Variants in ST6GALNAC3 observed in about 807,000 individuals in gnomAD.
ST6GALNAC3 encodes the protein alpha-N-acetylgalactosaminide alpha-2,6-sialyltransferase 3.
Under a neutral mutation model 32.7 loss-of-function variants are expected in ST6GALNAC3, and 25 were observed. That is an observed-to-expected ratio of 0.76 (90% CI 0.56 to 1.07). The LOEUF is 1.07. Ranked by LOEUF, ST6GALNAC3 falls within the 50% of genes least tolerant of loss-of-function variation. The pLI, the probability that ST6GALNAC3 is intolerant of heterozygous loss-of-function variation, is 0.00. For missense variants in ST6GALNAC3, 355 were observed against 382.4 expected, an observed-to-expected ratio of 0.93 and a Z score of 0.60; for synonymous variants, 129 against 133.1, an observed-to-expected ratio of 0.97 and a Z score of 0.21.
chr1:76,122,102 T>C (rs1360037540), intron 1 of ST6GALNAC3, among the ~76,000 whole-genome samples: 1 of 152,168 alleles, frequency 6.6e-6, no homozygotes, highest in Non-Finnish European at 1.5e-5. Flanking sequence ...CCATGTATTG[T>C]GTATATAGTG....
At chr1:76,524,429 A>G (rs574990956) in intron 3 of ST6GALNAC3, among the ~76,000 whole-genome samples, 2 of 152,266 alleles carry the variant, frequency 1.3e-5, no homozygotes, top group South Asian at 4.1e-4. Context: ...GGTAAAGACT[A>G]TATATGTTAT....
intron 1 of ST6GALNAC3, among the ~76,000 whole-genome samples, chr1:76,277,997 C>T (rs1659267310): frequency 6.6e-6 from 1 of 152,012 alleles, no homozygotes; most frequent in Middle Eastern, 3.2e-3. Context: ...TGGCCTTTTG[C>T]ATTTCTACAG....
At chr1:76,623,276 CTT>C (rs1257880383) in intron 3 of ST6GALNAC3, among the ~76,000 whole-genome samples, 1 of 151,918 alleles carries the variant, frequency 6.6e-6, no homozygotes, top group Non-Finnish European at 1.5e-5. Context: ...TTGTAAGTAT[CTT>C]GATTACCAAG....
intron 2 of ST6GALNAC3, among the ~76,000 whole-genome samples, chr1:76,382,233 C>A (rs1425147002): frequency 1.3e-5 from 2 of 152,028 alleles, no homozygotes; most frequent in Non-Finnish European, 2.9e-5. Flanking sequence ...TAGAACATTA[C>A]CAGGCATGTC....
chr1:76,210,156 T>C (rs941362502), intron 1 of ST6GALNAC3, among the ~76,000 whole-genome samples: 30 of 152,344 alleles, frequency 2.0e-4, no homozygotes, highest in African/African-American at 6.0e-4. Context: ...TATGATTTGC[T>C]GCACCTATCA....
At chr1:76,564,894 C>G (rs542104189) in intron 3 of ST6GALNAC3, among the ~76,000 whole-genome samples, 1 of 152,190 alleles carries the variant, frequency 6.6e-6, no homozygotes, top group African/African-American at 2.4e-5. Flanking sequence ...TGAAACTGAT[C>G]TAATTTTGAT....
chr1:76,599,717 CGTGTGT>C (rs5775354), intron 3 of ST6GALNAC3, among the ~76,000 whole-genome samples: 65,670 of 141,438 alleles, frequency 0.46, 15,613 homozygotes, highest in Non-Finnish European at 0.54. Flanking sequence ...ACTACCGTAT[CGTGTGT>C]GTGTGTGTGT....
chr1:76,506,882 A>G (rs1360381557), intron 3 of ST6GALNAC3, among the ~76,000 whole-genome samples: 1 of 152,242 alleles, frequency 6.6e-6, no homozygotes, highest in Non-Finnish European at 1.5e-5. Context: ...GAATGTTGAC[A>G]TAGTGGAGTG....
intron 2 of ST6GALNAC3, among the ~76,000 whole-genome samples, chr1:76,385,463 G>T (rs561051934): frequency 2.6e-5 from 4 of 152,096 alleles, no homozygotes; most frequent in Non-Finnish European, 2.9e-5. Context: ...ATTTGGGCAA[G>T]TCACTTAAAC....
At chr1:76,407,704 G>C (rs1653932597) in intron 2 of ST6GALNAC3, among the ~76,000 whole-genome samples, 1 of 151,010 alleles carries the variant, frequency 6.6e-6, no homozygotes, top group African/African-American at 2.4e-5. Flanking sequence ...GCAAAAAATA[G>C]AGACAATTCA....
At chr1:76,120,212 G>C (rs1329417885) in intron 1 of ST6GALNAC3, among the ~76,000 whole-genome samples, 1 of 152,244 alleles carries the variant, frequency 6.6e-6, no homozygotes, top group African/African-American at 2.4e-5. Context: ...AGGCTGGACT[G>C]GGGGAACAGT....
chr1:76,578,190 C>T (rs1189656944), intron 3 of ST6GALNAC3, among the ~76,000 whole-genome samples: 2 of 152,042 alleles, frequency 1.3e-5, no homozygotes, highest in Non-Finnish European at 2.9e-5. Flanking sequence ...TATCTAATCA[C>T]ATTTGCCAAC....
rs1243208575 is a variant in ST6GALNAC3 at position 76,614,224 on chromosome 1, T to TA, written c.624-13225dup. 2.0e-5 allele frequency among the ~76,000 whole-genome samples: 3 copies of TA among 152,184 alleles called. No homozygotes were observed. In the East Asian group the frequency reaches 5.8e-4, roughly 29 times the overall value. ...AGTTAGTTTGCAAGTCAGCTGTGTA[T>TA]AAATTGGGATACATTTTCCTAAAGA... On this transcript the variant is annotated intron_variant, in intron 3 of 4. Transcript: ENST00000328299.
At chr1:76,462,313 C>T (rs1229943402) in intron 3 of ST6GALNAC3, among the ~76,000 whole-genome samples, 1 of 152,016 alleles carries the variant, frequency 6.6e-6, no homozygotes, top group Non-Finnish European at 1.5e-5. Context: ...ATAAAATGGG[C>T]CCAGCCATTT....
chr1:76,266,759 G>T lies in ST6GALNAC3; in HGVS notation c.19-47046G>T, dbSNP rs1249550408. The stretch of plus-strand genomic sequence containing the variant: ...GCCAGCCACCGACTGTGCTCTCTTT[G>T]GTCCCTCTTGGGGCAGAGACAATCC... On this transcript the variant is annotated intron_variant, in intron 1 of 4. Transcript: ENST00000328299. 2.0e-5 allele frequency among the ~76,000 whole-genome samples: 3 copies of T among 151,990 alleles called. No individual in the cohort carries two copies. The East Asian group carries it at 5.8e-4, about 29-fold the overall frequency.
intron 3 of ST6GALNAC3, among the ~76,000 whole-genome samples, chr1:76,418,678 A>G (rs1401665379): frequency 6.6e-6 from 1 of 152,058 alleles, no homozygotes; most frequent in Admixed American, 6.6e-5. Flanking sequence ...AGCAATGCTG[A>G]CAAACCTCTG....
At chr1:76,514,384 G>A (rs895049696) in intron 3 of ST6GALNAC3, among the ~76,000 whole-genome samples, 2 of 152,090 alleles carry the variant, frequency 1.3e-5, no homozygotes, top group African/African-American at 2.4e-5. Context: ...GATATGGTTT[G>A]TTTGTCCCTA....
chr1:76,448,198 C>G (rs1657124713), intron 3 of ST6GALNAC3, among the ~76,000 whole-genome samples: 1 of 152,160 alleles, frequency 6.6e-6, no homozygotes, highest in Admixed American at 6.5e-5. Flanking sequence ...CATTTTGGAG[C>G]TTTAAGATTT....
chr1:76,220,205 T>A (rs986211202), intron 1 of ST6GALNAC3, among the ~76,000 whole-genome samples: 1 of 152,000 alleles, frequency 6.6e-6, no homozygotes, highest in Non-Finnish European at 1.5e-5. Flanking sequence ...TTTCTTGAAT[T>A]TTTTTCCCTG....
Sources: allele counts gnomAD v4.1 joint callset (sites outside exome capture counted in the v4.1 genomes callset), GRCh38; gene constraint gnomAD v4.1.1; transcripts MANE v1.5; gene names NCBI Gene and HGNC (gene_info 2026-07-23, HGNC 2026-07-21).